The following CNPPD1 variants were observed in gnomAD, a reference collection of about 807,000 sequenced individuals.
CNPPD1 encodes protein CNPPD1.
In CNPPD1, 40 loss-of-function variants were observed where a neutral mutation model predicts 43.7. The ratio of observed to expected loss-of-function variants is 0.92; its 90% CI spans 0.71 to 1.19. CNPPD1 has a LOEUF of 1.19. CNPPD1 is among the 50% of genes most tolerant of loss of function. The probability of loss-of-function intolerance (pLI) is 0.00; values close to 1 mark genes in which losing one functional copy is unlikely to be tolerated. For missense variants in CNPPD1, 511 were observed against 518.5 expected (o/e 0.99, Z 0.14); for synonymous variants, 208 against 214.3 (o/e 0.97, Z 0.26).
rs760364225 is a variant in CNPPD1, at chr2:219,174,817, G to A, written c.471C>T (p.Pro157=). Residue 157 remains proline (P), a synonymous_variant, in exon 5 of 8, where the codon CCC becomes CCT. Transcript: ENST00000360507. ...EWGAAGGVAV[P]TLNALERGFL... Reference sequence around the variant, plus strand: ...AGCCCCTCTCCAAGGCATTGAGAGTGGGCACGGCCACACCCCCAGCAGCTC... The same window carrying A: ...AGCCCCTCTCCAAGGCATTGAGAGTAGGCACGGCCACACCCCCAGCAGCTC... The A allele has an allele frequency of 2.8e-5, 45 of 1,612,730 alleles. No homozygotes were observed. Among genetic ancestry groups the A allele is most frequent in the Non-Finnish European group, 3.6e-5 (43 of 1,179,200 alleles).
Position 219,172,054 on chromosome 2 carries a change from A to C in CNPPD1, c.*532T>G, listed in dbSNP as rs1950079167. 6.3e-6 allele frequency: 1 copy of C among 159,100 alleles called. No homozygotes were observed. Among genetic ancestry groups the C allele is most frequent in the Non-Finnish European group, 1.4e-5 (1 of 71,490 alleles). 9.9% of individuals were successfully genotyped at this position (159,100 alleles called of 1,614,324 possible). A position where few individuals can be genotyped will look rare whatever the true frequency, so the allele number is the denominator to read the frequency against. ...GGACACTAAGAGAAGACTGGAAGAC[A>C]AAAGATCAGGGTTGAAGGTCCCAGC... On this transcript the variant is annotated 3_prime_UTR_variant, in exon 8 of 8. Transcript: ENST00000360507.
At chr2:219,175,783 C>T (rs2106388586) in intron 2 of CNPPD1, 111 bp from the exon 3 acceptor site, 2 of 889,100 alleles carry the variant, frequency 2.2e-6, no homozygotes, top group Non-Finnish European at 3.7e-6. Context: ...GCCTTGGGGA[C>T]AGGACCATAG....
In CNPPD1 at chr2:219,173,028, G is replaced by A. The variant is rs1248524133; in HGVS notation, c.791C>T (p.Thr264Ile). 16 of 1,613,428 alleles carry A rather than the reference G, an allele frequency of 9.9e-6. No homozygotes were observed. Among genetic ancestry groups the A allele is most frequent in the Non-Finnish European group, 1.3e-5 (15 of 1,179,966 alleles). The change falls in exon 8 of 8, where the codon ACA (threonine) becomes ATA (isoleucine). Residue 264 changes from threonine to isoleucine, a missense_variant. Physicochemically the swap from Thr to Ile is moderately conservative, Grantham distance 89 (BLOSUM62 -1). Transcript: ENST00000360507. ...HQSLGLSCIP[T>I]PGPPDLGLTS... ...CAGTCCAAGGTCAGGCGGCCCAGGT[G>A]TAGGGATGCAGGACAGCCCCAAAGA...
Position 219,173,403 on chromosome 2 carries a change from C to T in CNPPD1, c.637G>A (p.Glu213Lys). The T allele has an allele frequency of 6.2e-7, 1 of 1,613,850 alleles. No homozygotes were observed. The highest frequency in any genetic ancestry group is 1.3e-5 in the African/African-American group (1 of 75,042). ...AGGGCCAACTGCCAGGTCGGCTGCT[C>T]CAGCAGCACACACAGGTCTGTGTAG... Reference protein sequence around the residue: ...YTYTDLCVLLEQPTWQLALGS... With the variant: ...YTYTDLCVLLKQPTWQLALGS... The change falls in exon 7 of 8, where the codon GAG becomes AAG. Residue 213 changes from glutamate (E) to lysine (K), a missense_variant. Coordinates refer to ENST00000360507, the MANE Select transcript of CNPPD1 (RefSeq NM_015680.6).
rs1212690617 is a variant in CNPPD1 at position 219,172,532 on chromosome 2, C to T, written c.*54G>A. 11 of 1,584,242 alleles carry T rather than the reference C, an allele frequency of 6.9e-6. No individual in the cohort carries two copies. In the African/African-American group the frequency reaches 1.5e-4, roughly 21 times the overall value. ...ACAGGATCTGAATCAAGCTTTGCTC[C>T]TCCAGGTTCTCAGAAACTCCCAAAC... On this transcript the variant is annotated 3_prime_UTR_variant, in exon 8 of 8. Transcript: ENST00000360507.
chr2:219,175,159 G>C (rs745638196), intron 3 of CNPPD1, 51 bp from the exon 4 acceptor site: 34 of 1,526,718 alleles, frequency 2.2e-5, no homozygotes, highest in Middle Eastern at 1.8e-4. Flanking sequence ...TTCAGCTCTT[G>C]CAAGTCTTAT....
chr2:219,175,861 C>T (rs551427972), intron 2 of CNPPD1, among the ~76,000 whole-genome samples, 189 bp from the exon 3 acceptor site: 2 of 152,348 alleles, frequency 1.3e-5, no homozygotes, highest in African/African-American at 4.8e-5. Context: ...AATTTCAGCT[C>T]ATTCTAACAG....
rs1262455553 is a variant in CNPPD1, at chr2:219,172,639, G to T, written c.1180C>A (p.Leu394Ile). 14 of 1,614,070 alleles carry T rather than the reference G, an allele frequency of 8.7e-6. No homozygotes were observed. The highest frequency in any genetic ancestry group is 1.2e-5 in the Non-Finnish European group (14 of 1,180,040). Residue 394 changes from leucine to isoleucine, a missense_variant, in exon 8 of 8, where the codon CTT becomes ATT. Transcript: ENST00000360507. ...CGAGCCAGCTCCATGACACTGAAAAGGGAACATTGCTGAGGCTGAGGAAGT... is the reference window on the plus strand; with the variant it reads ...CGAGCCAGCTCCATGACACTGAAAATGGAACATTGCTGAGGCTGAGGAAGT... Reference protein sequence around the residue: ...LSLPQPQQCSLFSVMELARLK... With the variant: ...LSLPQPQQCSIFSVMELARLK...
At chr2:219,176,352 C>T (rs752459686) in intron 1 of CNPPD1, 21 bp from the exon 2 acceptor site, 7 of 1,564,402 alleles carry the variant, frequency 4.5e-6, no homozygotes, top group Middle Eastern at 1.7e-4. Flanking sequence ...GCAGGGGCAG[C>T]GGAGGGTGAA....
chr2:219,172,897 G>A lies in CNPPD1; in HGVS notation c.922C>T (p.Leu308Phe). The A allele has an allele frequency of 6.2e-7, 1 of 1,608,924 alleles. No individual in the cohort carries two copies. The highest frequency in any genetic ancestry group is 8.5e-7 in the Non-Finnish European group (1 of 1,177,186). The change falls in exon 8 of 8, where the codon CTC becomes TTC. Residue 308 changes from leucine to phenylalanine, a missense_variant. Physicochemically the swap from Leu to Phe is conservative, Grantham distance 22 (BLOSUM62 0). Coordinates refer to ENST00000360507, the MANE Select transcript of CNPPD1 (RefSeq NM_015680.6). ...AGTGAGGCCAGAAGACTGCCCCAGA[G>A]TGACCGCAGCCCCATGCTGCCTTCC... is the stretch of plus-strand genomic sequence containing the variant. ...CLEGSMGLRS[L>F]WGSLLASLTP...
chr2:219,175,726 C>CA, intron 2 of CNPPD1, 54 bp from the exon 3 acceptor site: 1 of 1,410,900 alleles, frequency 7.1e-7, no homozygotes. Context: ...ACACCCAACA[C>CA]ACCAGTCCCC....
At chr2:219,173,266 TG>T in intron 7 of CNPPD1, 83 bp downstream of exon 7, 1 of 1,460,276 alleles carries the variant, frequency 6.8e-7, no homozygotes, top group Non-Finnish European at 9.5e-7. Flanking sequence ...CCCCATCTCC[TG>T]GGCTTTTCAG....
In CNPPD1 at chr2:219,176,890, G is replaced by A; in HGVS notation, c.-62C>T. The A allele has an allele frequency of 7.0e-7, 1 of 1,419,082 alleles. No individual in the cohort carries two copies. The highest frequency in any genetic ancestry group is 1.4e-5 in the African/African-American group (1 of 69,916). The allele number at this position is 1,419,082 out of a possible 1,614,324, so 87.9% of individuals were successfully genotyped here. A position where few individuals can be genotyped will look rare whatever the true frequency, so the allele number is the denominator to read the frequency against. On this transcript the variant is annotated 5_prime_UTR_variant, in exon 1 of 8. Coordinates refer to ENST00000360507, the MANE Select transcript of CNPPD1 (RefSeq NM_015680.6). ...AGGAAACGAGTTGTAGGGGGCTCGC[G>A]GAGCTGTCCTTGCCCGCCTGTCCAC...
intron 3 of CNPPD1, 73 bp from the exon 4 acceptor site, chr2:219,175,181 C>T: frequency 6.7e-7 from 1 of 1,492,246 alleles, no homozygotes; most frequent in Non-Finnish European, 8.9e-7. Context: ...ATGCTCGTTC[C>T]TGTCTTTACC....
rs753281188 is a variant in CNPPD1 at position 219,174,883 on chromosome 2, A to T, written c.405T>A (p.Tyr135Ter). 42 of 1,613,944 alleles carry T rather than the reference A, an allele frequency of 2.6e-5. No individual in the cohort carries two copies. The highest frequency in any genetic ancestry group is 3.5e-5 in the Non-Finnish European group (41 of 1,180,006). The change falls in exon 5 of 8, where the codon TAT (tyrosine) becomes TAA (stop). Residue 135 changes from tyrosine (Y) to a stop codon, truncating the protein, a stop_gained. Coordinates refer to ENST00000360507, the MANE Select transcript of CNPPD1 (RefSeq NM_015680.6). LOFTEE classifies it high-confidence loss of function. Reference sequence around the variant, plus strand: ...AGACCTCCTCCTCCTCCCCTTCATCATAGAGGTACTTACTGGCCACCATCT... The same window carrying T: ...AGACCTCCTCCTCCTCCCCTTCATCTTAGAGGTACTTACTGGCCACCATCT... ...ISMMVASKYL[Y>*]DEGEEEEVFN...
At position 219,175,590 on chromosome 2, in the gene CNPPD1, C is replaced by A; in HGVS notation, c.260+1G>T. On this transcript the variant is annotated splice_donor_variant, in intron 3 of 7. Coordinates refer to ENST00000360507, the MANE Select transcript of CNPPD1 (RefSeq NM_015680.6). LOFTEE classifies it high-confidence loss of function. ...CATCCTATCCTCATTTCCAGGCTCA[C>A]CGGGACACATGAGCTACATATTTCT... The A allele has an allele frequency of 6.2e-7, 1 of 1,613,046 alleles. No individual in the cohort carries two copies. The highest frequency in any genetic ancestry group is 8.5e-7 in the Non-Finnish European group (1 of 1,179,064).
rs1368973121 is a variant in CNPPD1, at chr2:219,175,481, A to T, written c.260+110T>A. On this transcript the variant is annotated intron_variant, in intron 3 of 7. Transcript: ENST00000360507. ...CACTGCACTCCAGCCTGGGTGACAA[A>T]GTGAGACTGTCTCAAAAAAAAAAAA... 7.5e-6 allele frequency: 8 copies of T among 1,062,432 alleles called. No homozygotes were observed. The South Asian group carries it at 1.2e-4, about 16-fold the overall frequency. 65.8% of individuals were successfully genotyped at this position (1,062,432 alleles called of 1,614,324 possible). A position where few individuals can be genotyped will look rare whatever the true frequency, so the allele number is the denominator to read the frequency against.
In CNPPD1 at chr2:219,172,908, CCCATGCTGCCTT is replaced by C. The variant is rs1950095986; in HGVS notation, c.899_910del (p.Glu300_Met303del). On this transcript the variant is annotated inframe_deletion, in exon 8 of 8. Transcript: ENST00000360507. ...AAGACTGCCCCAGAGTGACCGCAGCCCCATGCTGCCTTCCAGGCAGCTGGAGACATTAGCGAG... is the reference window on the plus strand; with the variant it reads ...AAGACTGCCCCAGAGTGACCGCAGCCCCAGGCAGCTGGAGACATTAGCGAG... The C allele has an allele frequency of 6.2e-7, 1 of 1,611,650 alleles. No individual in the cohort carries two copies. Among genetic ancestry groups the C allele is most frequent in the African/African-American group, 1.3e-5 (1 of 74,990 alleles).
rs1419060386 is a variant in CNPPD1 at position 219,171,944 on chromosome 2, A to T, written c.*642T>A. The T allele has an allele frequency of 6.5e-6, 1 of 152,874 alleles. No homozygotes were observed. Among genetic ancestry groups the T allele is most frequent in the Non-Finnish European group, 1.5e-5 (1 of 68,256 alleles). 9.5% of individuals were successfully genotyped at this position (152,874 alleles called of 1,614,324 possible). On this transcript the variant is annotated 3_prime_UTR_variant, in exon 8 of 8. Coordinates refer to ENST00000360507, the MANE Select transcript of CNPPD1 (RefSeq NM_015680.6). ...AACCTCAGTTCTACAAAAGCGTGAA[A>T]AACCCTGATACAAAGCAGTGGCCAG...
Sources: gnomAD v4.1 joint callset for allele counts (sites outside exome capture counted in the v4.1 genomes callset) on GRCh38, gnomAD v4.1.1 for gene constraint, MANE v1.5 for transcripts, NCBI Gene and HGNC (gene_info 2026-07-23, HGNC 2026-07-21) for gene names.